The following HK1 variants were observed in gnomAD, a reference collection of about 807,000 sequenced individuals.
HK1 encodes the protein hexokinase-1.
Under a neutral mutation model 91.6 loss-of-function variants are expected in HK1, and 28 were observed. That is an observed-to-expected ratio of 0.31 (90% CI 0.23 to 0.42). The LOEUF is 0.42. Ranked by LOEUF, HK1 falls within the 10% of genes least tolerant of loss-of-function variation. The pLI is 1.00. For synonymous variants in HK1, 430 were observed against 468.1 expected (o/e 0.92, Z 1.05); for missense variants, 770 against 1,219.8 (o/e 0.63, Z 5.49).
At chr10:69,342,397 C>T (rs1296996409) in intron 1 of HK1, among the ~76,000 whole-genome samples, 1 of 152,142 alleles carries the variant, frequency 6.6e-6, no homozygotes, top group Non-Finnish European at 1.5e-5. Flanking sequence ...GCCTGAAGGA[C>T]TTGGACATCT....
intron 5 of HK1, among the ~76,000 whole-genome samples, chr10:69,301,592 A>G (rs866536146): frequency 1.3e-3 from 202 of 150,710 alleles, no homozygotes; most frequent in Non-Finnish European, 1.6e-3. Context: ...AAAAAAAAAA[A>G]AAAGAAAAGA....
intron 5 of HK1, among the ~76,000 whole-genome samples, chr10:69,303,984 C>T (rs536626575): frequency 6.6e-6 from 1 of 152,176 alleles, no homozygotes; most frequent in South Asian, 2.1e-4. Context: ...TGGCTGGGGG[C>T]CACAAGATCA....
At chr10:69,322,098 G>A (rs61869988) in intron 1 of HK1, among the ~76,000 whole-genome samples, 1 of 152,202 alleles carries the variant, frequency 6.6e-6, no homozygotes, top group Non-Finnish European at 1.5e-5. Context: ...CAGGGTGAAG[G>A]ATTGCATAGT....
Position 69,380,149 on chromosome 10 carries a change from C to G in HK1, c.1265+54C>G. The G allele has an allele frequency of 7.1e-7, 1 of 1,413,056 alleles. No individual in the cohort carries two copies. The highest frequency in any genetic ancestry group is 1.0e-6 in the Non-Finnish European group (1 of 997,844). 87.5% of individuals were successfully genotyped at this position (1,413,056 alleles called of 1,614,324 possible). On this transcript the variant is annotated intron_variant, in intron 9 of 17. Coordinates refer to ENST00000359426, the MANE Select transcript of HK1 (RefSeq NM_000188.3). The surrounding 1 kb of genome is among the most constrained non-coding windows in gnomAD (Gnocchi z 4.0). ...CTCTGTACCCATTGTGGGTAGGGAC[C>G]TTCTCCAGAGATCAGACTTTTGTAC...
At chr10:69,394,445 CT>C (rs1413872570) in intron 15 of HK1, among the ~76,000 whole-genome samples, 1 of 152,334 alleles carries the variant, frequency 6.6e-6, no homozygotes, top group South Asian at 2.1e-4. Flanking sequence ...TTTTTGGGCA[CT>C]TTCCTGAGGG....
At chr10:69,395,403 C>T (rs544817838) in intron 16 of HK1, among the ~76,000 whole-genome samples, 1 of 151,882 alleles carries the variant, frequency 6.6e-6, no homozygotes, top group East Asian at 1.9e-4. Flanking sequence ...ATGGTGAAAC[C>T]CGATCTCTAC....
At chr10:69,322,987 C>T (rs1847133813) in intron 1 of HK1, among the ~76,000 whole-genome samples, 1 of 151,522 alleles carries the variant, frequency 6.6e-6, no homozygotes. Flanking sequence ...GTGGCTCATG[C>T]CTGTAATCCC....
intron 5 of HK1, among the ~76,000 whole-genome samples, chr10:69,306,651 G>T (rs116421438): frequency 5.9e-5 from 9 of 152,316 alleles, no homozygotes; most frequent in African/African-American, 2.2e-4. Context: ...TATGCGTTTG[G>T]CGCAGGTGAA....
At chr10:69,297,727 T>C (rs1003524238) in intron 4 of HK1, among the ~76,000 whole-genome samples, 13 of 150,860 alleles carry the variant, frequency 8.6e-5, no homozygotes, top group Non-Finnish European at 1.6e-4. Context: ...AAACCCCATC[T>C]CTACTAAAAA....
At chr10:69,334,067 C>A (rs751939603) in intron 1 of HK1, among the ~76,000 whole-genome samples, 1 of 152,008 alleles carries the variant, frequency 6.6e-6, no homozygotes, top group African/African-American at 2.4e-5. Context: ...GCTGAGATTG[C>A]GCCACTGTAC....
chr10:69,369,209 A>T lies in HK1; in HGVS notation c.592-28A>T. The T allele has an allele frequency of 6.5e-7, 1 of 1,545,376 alleles. No homozygotes were observed. Among genetic ancestry groups the T allele is most frequent in the Non-Finnish European group, 8.9e-7 (1 of 1,117,368 alleles). On this transcript the variant is annotated intron_variant, in intron 5 of 17. Transcript: ENST00000359426. This position sits in a 1 kb window ranked among gnomAD's most constrained non-coding sequence, Gnocchi z 4.4. ...GATCTCTGCTCCCATGTGTGAGTGG[A>T]CAATGACACCCCGTTATCTGTCCCC...
intron 1 of HK1, among the ~76,000 whole-genome samples, chr10:69,341,231 AG>A (rs1213472647): frequency 6.6e-6 from 1 of 151,052 alleles, no homozygotes. Flanking sequence ...GCAGGATCAT[AG>A]CACCCTGCAA....
At chr10:69,373,795 T>TG (rs1421061224) in intron 7 of HK1, among the ~76,000 whole-genome samples, 1 of 151,936 alleles carries the variant, frequency 6.6e-6, no homozygotes, top group Non-Finnish European at 1.5e-5. Context: ...CTCCCTATGT[T>TG]GCCCAGCTGG....
intron 1 of HK1, among the ~76,000 whole-genome samples, chr10:69,271,360 C>T (rs1844153504): frequency 1.3e-5 from 2 of 151,926 alleles, no homozygotes; most frequent in Admixed American, 6.6e-5. Context: ...AAATTAATGG[C>T]ATGAATTACA....
At chr10:69,303,657 G>T (rs1334832655) in intron 5 of HK1, among the ~76,000 whole-genome samples, 2 of 150,832 alleles carry the variant, frequency 1.3e-5, no homozygotes, top group African/African-American at 4.9e-5. Flanking sequence ...TACCCTTATG[G>T]CAGGTAGTCT....
upstream of HK1, among the ~76,000 whole-genome samples, chr10:69,314,905 A>G (rs1485360401): frequency 6.6e-6 from 1 of 152,034 alleles, no homozygotes; most frequent in African/African-American, 2.4e-5. Context: ...TGACCACGTG[A>G]TCCTCCCACC....
At chr10:69,377,848 G>T (rs1017000531) in intron 8 of HK1, among the ~76,000 whole-genome samples, 1 of 152,152 alleles carries the variant, frequency 6.6e-6, no homozygotes, top group Non-Finnish European at 1.5e-5. Context: ...GTGCCCTGAC[G>T]TGCAAGTTTG....
chr10:69,301,467 G>T (rs1020228699), intron 5 of HK1, among the ~76,000 whole-genome samples: 1 of 149,838 alleles, frequency 6.7e-6, no homozygotes, highest in South Asian at 2.1e-4. Flanking sequence ...CCAGCTACTC[G>T]GGAGGCTGAG....
intron 2 of HK1, among the ~76,000 whole-genome samples, chr10:69,348,783 C>T (rs377318375): frequency 4.2e-4 from 64 of 151,688 alleles, no homozygotes; most frequent in African/African-American, 1.5e-3. Flanking sequence ...GCACTCCAGC[C>T]TGGGCAACAG....
Sources: allele counts gnomAD v4.1 joint callset (sites outside exome capture counted in the v4.1 genomes callset), GRCh38; gene constraint gnomAD v4.1.1; non-coding constraint Gnocchi (gnomAD v3.1); transcripts MANE v1.5; gene names NCBI Gene and HGNC (gene_info 2026-07-23, HGNC 2026-07-21).